The following NEO1 variants were observed in gnomAD, a reference collection of about 807,000 sequenced individuals.
NEO1 encodes neogenin.
NEO1 carries 63 observed loss-of-function variants against 159.7 expected under a neutral mutation model. The ratio of observed to expected loss-of-function variants is 0.39; its 90% CI spans 0.32 to 0.49. The LOEUF (loss-of-function observed/expected upper bound fraction) is 0.49. Ranked by LOEUF, NEO1 falls within the 20% of genes least tolerant of loss-of-function variation. NEO1 has a pLI of 0.85. For missense variants in NEO1, 1,615 were observed against 1,831.0 expected (o/e 0.88, Z 2.15); for synonymous variants, 633 against 662.0 (o/e 0.96, Z 0.67).
intron 1 of NEO1, among the ~76,000 whole-genome samples, chr15:73,115,839 T>C (rs959114637): frequency 6.6e-5 from 10 of 152,212 alleles, no homozygotes; most frequent in Admixed American, 2.0e-4. Context: ...CCTTCCGTGC[T>C]CTTTACACTA....
intron 7 of NEO1, among the ~76,000 whole-genome samples, chr15:73,229,645 G>A (rs964328283): frequency 3.3e-5 from 5 of 151,796 alleles, no homozygotes; most frequent in Non-Finnish European, 7.4e-5. Context: ...CTAATCTTAG[G>A]GAAAAAGCAT....
At chr15:73,228,930 C>T (rs529526445) in intron 7 of NEO1, among the ~76,000 whole-genome samples, 4 of 152,134 alleles carry the variant, frequency 2.6e-5, no homozygotes, top group African/African-American at 9.6e-5. Context: ...TCTCATTGAT[C>T]GATGTGCCTA....
intron 1 of NEO1, among the ~76,000 whole-genome samples, chr15:73,113,000 A>C (rs1473479157): frequency 6.6e-6 from 1 of 152,062 alleles, no homozygotes; most frequent in African/African-American, 2.4e-5. Flanking sequence ...TGTCATCTCT[A>C]CTACATGTTA....
intron 5 of NEO1, among the ~76,000 whole-genome samples, chr15:73,173,828 G>A (rs953111175): frequency 2.0e-5 from 3 of 152,084 alleles, no homozygotes; most frequent in Non-Finnish European, 2.9e-5. Context: ...GGCCGGTCGC[G>A]GTGGCTCATG....
chr15:73,167,257 T>C (rs2034640818), intron 5 of NEO1, among the ~76,000 whole-genome samples: 1 of 148,566 alleles, frequency 6.7e-6, no homozygotes, highest in South Asian at 2.2e-4. Context: ...ACATGTACCC[T>C]AGAATTTAAG....
chr15:73,242,448 G>A (rs758373189), intron 8 of NEO1, among the ~76,000 whole-genome samples: 3 of 152,094 alleles, frequency 2.0e-5, no homozygotes, highest in Non-Finnish European at 2.9e-5. Context: ...CGGGTGGATC[G>A]CCTGAGGCCA....
chr15:73,057,141 T>A (rs1489853658), intron 1 of NEO1, among the ~76,000 whole-genome samples: 1 of 152,174 alleles, frequency 6.6e-6, no homozygotes, highest in African/African-American at 2.4e-5. Flanking sequence ...AAATAAAATG[T>A]AAAATTGTTC....
chr15:73,163,955 G>A (rs1376910997), intron 5 of NEO1, among the ~76,000 whole-genome samples: 1 of 151,746 alleles, frequency 6.6e-6, no homozygotes, highest in South Asian at 2.1e-4. Context: ...GTATGTGTGT[G>A]GTAGGGGCCG....
chr15:73,109,953 G>A (rs2070884570), intron 1 of NEO1, among the ~76,000 whole-genome samples: 1 of 152,132 alleles, frequency 6.6e-6, no homozygotes, highest in Non-Finnish European at 1.5e-5. Flanking sequence ...TCTGGAACCA[G>A]GAGCACTAAC....
chr15:73,196,773 T>G (rs1333340169), intron 7 of NEO1, among the ~76,000 whole-genome samples: 1 of 152,246 alleles, frequency 6.6e-6, no homozygotes, highest in Non-Finnish European at 1.5e-5. Flanking sequence ...TAGGTTTCCC[T>G]AGTCTACTTC....
intron 1 of NEO1, among the ~76,000 whole-genome samples, chr15:73,087,001 A>G (rs906086717): frequency 2.0e-5 from 3 of 152,188 alleles, no homozygotes; most frequent in South Asian, 4.2e-4. Flanking sequence ...TCTTCTGTTA[A>G]TTTTCTTTGC....
chr15:73,280,064 A>G (rs1008742238), intron 22 of NEO1, among the ~76,000 whole-genome samples: 2 of 152,162 alleles, frequency 1.3e-5, no homozygotes, highest in African/African-American at 4.8e-5. Flanking sequence ...AACTGTTATT[A>G]CTCTGATAGC....
chr15:73,263,190 CTTTTTTTTTTTT>C (rs33959030), intron 15 of NEO1, among the ~76,000 whole-genome samples: 1 of 124,180 alleles, frequency 8.1e-6, no homozygotes, highest in Non-Finnish European at 1.7e-5. Context: ...TCATAGTTGA[CTTTTTTTTTTTT>C]TTTTTTTTTG....
At chr15:73,152,946 A>G (rs2033494583) in intron 5 of NEO1, among the ~76,000 whole-genome samples, 1 of 152,124 alleles carries the variant, frequency 6.6e-6, no homozygotes, top group African/African-American at 2.4e-5. Context: ...CTTTTATTAT[A>G]AAGTATTGGT....
intron 1 of NEO1, among the ~76,000 whole-genome samples, chr15:73,088,853 A>AGAGTAAAG (rs2069515695): frequency 6.6e-6 from 1 of 152,076 alleles, no homozygotes; most frequent in African/African-American, 2.4e-5. Context: ...GAAGTAAGAG[A>AGAGTAAAG]GAGTAAAGTC....
At chr15:73,219,085 C>A (rs947443687) in intron 7 of NEO1, among the ~76,000 whole-genome samples, 2 of 150,908 alleles carry the variant, frequency 1.3e-5, no homozygotes, top group Admixed American at 1.3e-4. Flanking sequence ...CCTCTACACA[C>A]TGCTTTGAAT....
intron 1 of NEO1, among the ~76,000 whole-genome samples, chr15:73,057,246 CTTTT>C (rs1021878487): frequency 4.6e-5 from 7 of 151,994 alleles, no homozygotes; most frequent in Non-Finnish European, 7.4e-5. Context: ...AAAGTGTAGA[CTTTT>C]TTTTCTTTTG....
At chr15:73,279,350 G>GTTTTTTTTTTTTT (rs1567679061) in intron 22 of NEO1, among the ~76,000 whole-genome samples, 6 of 58,140 alleles carry the variant, frequency 1.0e-4, no homozygotes, top group African/African-American at 1.8e-4. Context: ...TTTTGGTTTT[G>GTTTTTTTTTTTTT]GTTTTTTTTT....
intron 8 of NEO1, among the ~76,000 whole-genome samples, chr15:73,239,053 T>G (rs533955646): frequency 6.6e-6 from 1 of 152,216 alleles, no homozygotes; most frequent in South Asian, 2.1e-4. Flanking sequence ...TTCACCGTGT[T>G]AGCCAGGCTG....
Sources: gnomAD v4.1 joint callset for allele counts (sites outside exome capture counted in the v4.1 genomes callset) on GRCh38, gnomAD v4.1.1 for gene constraint, MANE v1.5 for transcripts, NCBI Gene and HGNC (gene_info 2026-07-23, HGNC 2026-07-21) for gene names.